IL1RAPL2: variants seen among roughly 807,000 people sequenced by gnomAD.
IL1RAPL2 encodes the protein interleukin 1 receptor accessory protein like 2, also known as X-linked interleukin-1 receptor accessory protein-like 2.
IL1RAPL2 carries 3 observed loss-of-function variants against 44.1 expected under a neutral mutation model. The observed-to-expected ratio is 0.07, with a 90% confidence interval of 0.03 to 0.18. The LOEUF (loss-of-function observed/expected upper bound fraction) is 0.18, where lower values mean the gene tolerates loss of function less well. Ranked by LOEUF, IL1RAPL2 falls within the 10% of genes least tolerant of loss-of-function variation. The pLI, the probability that IL1RAPL2 is intolerant of heterozygous loss-of-function variation, is 1.00. For synonymous variants in IL1RAPL2, 181 were observed against 178.8 expected, an observed-to-expected ratio of 1.01 and a Z score of -0.10; for missense variants, 391 against 496.4, an observed-to-expected ratio of 0.79 and a Z score of 2.02.
intron 5 of IL1RAPL2, among the ~76,000 whole-genome samples, chrX:105,359,613 T>A (rs1311027801): frequency 9.0e-6 from 1 of 110,929 alleles, no homozygotes; most frequent in Non-Finnish European, 1.9e-5. Context: ...TGCTACACCA[T>A]GTTCATATGT....
intron 5 of IL1RAPL2, among the ~76,000 whole-genome samples, chrX:105,454,068 G>A (rs1173834591): frequency 9.0e-6 from 1 of 111,326 alleles, no homozygotes; most frequent in South Asian, 3.8e-4. Context: ...AGCATACGAA[G>A]CAAAGCACCC....
chrX:104,783,802 C>T (rs909809096), intron 2 of IL1RAPL2, among the ~76,000 whole-genome samples: 11 of 107,961 alleles, frequency 1.0e-4, no homozygotes, highest in Non-Finnish European at 7.6e-5. Context: ...TTGAACAGCT[C>T]TTAATCTGCT....
At chrX:104,834,680 T>C (rs939251154) in intron 2 of IL1RAPL2, among the ~76,000 whole-genome samples, 13 of 112,071 alleles carry the variant, frequency 1.2e-4, no homozygotes, top group Non-Finnish European at 1.9e-4. Flanking sequence ...GAATTTCTTA[T>C]TGATTATTGA....
intron 3 of IL1RAPL2, among the ~76,000 whole-genome samples, chrX:105,209,813 A>C (rs1175132917): frequency 8.9e-6 from 1 of 111,908 alleles, no homozygotes; most frequent in African/African-American, 3.3e-5. Flanking sequence ...AATCCAAGCA[A>C]ACTGATTTAA....
chrX:105,041,570 T>A (rs1569367957), intron 2 of IL1RAPL2, among the ~76,000 whole-genome samples: 2 of 109,888 alleles, frequency 1.8e-5, no homozygotes, highest in Non-Finnish European at 3.8e-5. Flanking sequence ...CTCAACGAAA[T>A]AAAAGAGGAT....
At chrX:104,775,130 TG>T (rs1423484457) in intron 2 of IL1RAPL2, among the ~76,000 whole-genome samples, 1 of 112,659 alleles carries the variant, frequency 8.9e-6, no homozygotes, top group African/African-American at 3.2e-5. Flanking sequence ...TGCTCAATTG[TG>T]AAGATGTGCA....
At chrX:105,378,425 G>A (rs1277809959) in intron 5 of IL1RAPL2, among the ~76,000 whole-genome samples, 1 of 111,734 alleles carries the variant, frequency 8.9e-6, no homozygotes, top group Non-Finnish European at 1.9e-5. Flanking sequence ...GTATAGATTA[G>A]AATCCAATAT....
In IL1RAPL2 at chrX:105,489,209, T is replaced by C. The variant is rs745813193; in HGVS notation, c.772+4822T>C. 2.7e-5 allele frequency among the ~76,000 whole-genome samples: 3 copies of C among 112,032 alleles called. No individual in the cohort carries two copies. The East Asian group carries it at 8.4e-4, about 31-fold the overall frequency. ...AACACGTACGTGCAAAATTCCAATT[T>C]GGTCCTGTTATCCTTTATTTTTTCT... On this transcript the variant is annotated intron_variant, in intron 6 of 10. Coordinates refer to ENST00000372582, the MANE Select transcript of IL1RAPL2 (RefSeq NM_017416.2).
At chrX:105,659,417 G>T (rs900135307) in intron 6 of IL1RAPL2, among the ~76,000 whole-genome samples, 1 of 110,966 alleles carries the variant, frequency 9.0e-6, no homozygotes, top group African/African-American at 3.3e-5. Flanking sequence ...CAGCACTTTG[G>T]GAGGCCGAGG....
At chrX:104,967,839 A>C (rs1158243633) in intron 2 of IL1RAPL2, among the ~76,000 whole-genome samples, 1 of 111,380 alleles carries the variant, frequency 9.0e-6, no homozygotes, top group Admixed American at 9.5e-5. Context: ...ACTTCCCTAG[A>C]CAAACTACAG....
intron 6 of IL1RAPL2, among the ~76,000 whole-genome samples, chrX:105,551,472 G>A (rs1239203397): frequency 9.0e-6 from 1 of 110,859 alleles, no homozygotes; most frequent in Non-Finnish European, 1.9e-5. Flanking sequence ...GGACATTTCA[G>A]TAGAACAACT....
intron 2 of IL1RAPL2, among the ~76,000 whole-genome samples, chrX:104,771,535 C>T (rs760950654): frequency 2.0e-4 from 22 of 112,431 alleles, no homozygotes; most frequent in South Asian, 7.3e-4. Context: ...TTTTCTCTGA[C>T]GATCAGCAGC....
intron 5 of IL1RAPL2, among the ~76,000 whole-genome samples, chrX:105,392,706 G>A (rs1285722097): frequency 2.7e-5 from 3 of 111,555 alleles, no homozygotes; most frequent in South Asian, 7.5e-4. Context: ...AATCAGCCAT[G>A]GCAATGTGCA....
chrX:105,212,265 C>T (rs2033813836), intron 3 of IL1RAPL2, among the ~76,000 whole-genome samples: 1 of 112,084 alleles, frequency 8.9e-6, no homozygotes, highest in Admixed American at 9.4e-5. Context: ...CTGGGATGGT[C>T]AAGCTTTGTT....
chrX:104,623,906 TG>T (rs1349656170), intron 1 of IL1RAPL2, among the ~76,000 whole-genome samples: 6 of 111,789 alleles, frequency 5.4e-5, no homozygotes, highest in Non-Finnish European at 1.1e-4. Context: ...ATTTTGTCAC[TG>T]GAACAATTTA....
At chrX:104,887,571 A>G (rs10855533) in intron 2 of IL1RAPL2, among the ~76,000 whole-genome samples, 54,187 of 109,978 alleles carry the variant, frequency 0.49, 9,980 homozygotes, top group African/African-American at 0.62. Context: ...GGTGCCAAAG[A>G]AAGTTTATGG....
chrX:104,847,322 T>A (rs1280266733), intron 2 of IL1RAPL2, among the ~76,000 whole-genome samples: 1 of 112,080 alleles, frequency 8.9e-6, no homozygotes, highest in Non-Finnish European at 1.9e-5. Context: ...TTTTATGGTT[T>A]TAGGTCTAAC....
intron 2 of IL1RAPL2, among the ~76,000 whole-genome samples, chrX:104,902,959 A>G (rs73531313): frequency 0.053 from 5,972 of 111,715 alleles, 421 homozygotes; most frequent in African/African-American, 0.19. Context: ...ACTCTTTAAA[A>G]GAGTATCTTC....
At chrX:105,666,891 C>T (rs903851068) in intron 6 of IL1RAPL2, among the ~76,000 whole-genome samples, 8 of 111,813 alleles carry the variant, frequency 7.2e-5, no homozygotes, top group Admixed American at 3.8e-4. Flanking sequence ...CCTGACTGCA[C>T]GTCCATTCAT....
Sources: gnomAD v4.1 joint callset for allele counts (sites outside exome capture counted in the v4.1 genomes callset) on GRCh38, gnomAD v4.1.1 for gene constraint, MANE v1.5 for transcripts, NCBI Gene and HGNC (gene_info 2026-07-23, HGNC 2026-07-21) for gene names.